The following NUMB variants were observed in gnomAD, a reference collection of about 807,000 sequenced individuals.
NUMB encodes NUMB endocytic adaptor protein.
Under a neutral mutation model 59.7 loss-of-function variants are expected in NUMB, and 29 were observed. That is an observed-to-expected ratio of 0.49 (90% CI 0.36 to 0.66). The LOEUF is 0.66. Among genes scored for constraint, NUMB ranks in the 30% least tolerant of loss-of-function variants. NUMB has a pLI of 0.00. For synonymous variants in NUMB, 288 were observed against 288.2 expected (o/e 1.00, Z 0.01); for missense variants, 723 against 822.0 (o/e 0.88, Z 1.47).
intron 2 of NUMB, among the ~76,000 whole-genome samples, chr14:73,385,495 C>CTT (rs1566773092): frequency 5.3e-4 from 36 of 67,524 alleles, no homozygotes; most frequent in African/African-American, 1.2e-3. Flanking sequence ...TGGCTAGTGG[C>CTT]CTTTTTTTTT....
rs147284867 is a variant in NUMB, at chr14:73,373,304, G to A, written c.-100-6323C>T. Among the ~76,000 whole-genome samples, 513 of 152,334 alleles carry A rather than the reference G, an allele frequency of 3.4e-3. 4 individuals carry two copies. The highest frequency in any genetic ancestry group is 0.012 in the African/African-American group (485 of 41,570). On this transcript the variant is annotated intron_variant, in intron 2 of 12. Transcript: ENST00000555238. ...AGCTTCAAACTGTGCTCCCTGTAGT[G>A]ATGCCACAAGGTGCAAGGGCAGGAC...
At chr14:73,408,160 G>C (rs1896757347) in intron 2 of NUMB, among the ~76,000 whole-genome samples, 1 of 151,724 alleles carries the variant, frequency 6.6e-6, no homozygotes, top group South Asian at 2.1e-4. Flanking sequence ...CTGGGAGGCA[G>C]AACTTGCAGT....
chr14:73,372,410 C>T (rs1397897182), intron 2 of NUMB, among the ~76,000 whole-genome samples: 1 of 140,716 alleles, frequency 7.1e-6, no homozygotes, highest in East Asian at 2.1e-4. Flanking sequence ...TACGCATACA[C>T]ACATATATGT....
At chr14:73,404,842 C>T (rs1896585667) in intron 2 of NUMB, among the ~76,000 whole-genome samples, 1 of 151,678 alleles carries the variant, frequency 6.6e-6, no homozygotes, top group Non-Finnish European at 1.5e-5. Context: ...CTCACTGCAA[C>T]CTCCGCCTCC....
intron 4 of NUMB, 173 bp from the exon 5 acceptor site, chr14:73,323,377 T>G (rs767610537): frequency 1.9e-6 from 1 of 517,894 alleles, no homozygotes; most frequent in Non-Finnish European, 3.4e-6. Context: ...CAACCTGTAT[T>G]GAAATTCCTA....
chr14:73,404,296 T>C (rs1395878401), intron 2 of NUMB, among the ~76,000 whole-genome samples: 2 of 149,970 alleles, frequency 1.3e-5, no homozygotes, highest in African/African-American at 4.9e-5. Context: ...ATAACATGCT[T>C]CAAAACAAAA....
At chr14:73,393,043 G>C (rs1015272751) in intron 2 of NUMB, among the ~76,000 whole-genome samples, 1 of 152,132 alleles carries the variant, frequency 6.6e-6, no homozygotes, top group African/African-American at 2.4e-5. Context: ...AGTGGTGAGG[G>C]GAGGAAATTA....
intron 2 of NUMB, among the ~76,000 whole-genome samples, chr14:73,398,413 A>T (rs111978176): frequency 0.026 from 3,036 of 117,546 alleles, 55 homozygotes; most frequent in East Asian, 0.074. Context: ...AGAGAGAGAG[A>T]GAGTGTGTGT....
intron 9 of NUMB, 39 bp downstream of exon 9, chr14:73,287,071 A>T (rs1291117569): frequency 6.3e-7 from 1 of 1,586,948 alleles, no homozygotes; most frequent in Non-Finnish European, 8.7e-7. Context: ...GTTGGGAAAA[A>T]CTGCATTCCA....
intron 1 of NUMB, among the ~76,000 whole-genome samples, chr14:73,449,982 C>T (rs1443564771): frequency 6.6e-6 from 1 of 152,206 alleles, no homozygotes; most frequent in Non-Finnish European, 1.5e-5. Context: ...GCCACCGCGC[C>T]CAGCCTTAAA....
intron 2 of NUMB, among the ~76,000 whole-genome samples, chr14:73,393,211 C>A (rs1186114145): frequency 6.6e-6 from 1 of 152,122 alleles, no homozygotes; most frequent in African/African-American, 2.4e-5. Context: ...TTTTCAGCAG[C>A]CCAATTTTAC....
intron 3 of NUMB, among the ~76,000 whole-genome samples, chr14:73,356,429 G>A (rs1893785480): frequency 6.6e-6 from 1 of 152,154 alleles, no homozygotes; most frequent in African/African-American, 2.4e-5. Context: ...GATCACTTGA[G>A]GTCAGGAGCT....
chr14:73,434,740 C>T (rs1450716717), intron 1 of NUMB, among the ~76,000 whole-genome samples: 1 of 151,874 alleles, frequency 6.6e-6, no homozygotes, highest in Non-Finnish European at 1.5e-5. Flanking sequence ...ATGAAAAAAC[C>T]ATAGCTCTCT....
At position 73,446,814 on chromosome 14, in the gene NUMB, G is replaced by A. The variant is rs191134699; in HGVS notation, c.-233+11679C>T. Among the ~76,000 whole-genome samples, 179 of 151,698 alleles carry A rather than the reference G, an allele frequency of 1.2e-3. 2 individuals carry two copies. Among genetic ancestry groups the A allele is most frequent in the Admixed American group, 0.011 (166 of 15,236 alleles). On this transcript the variant is annotated intron_variant, in intron 1 of 12. Coordinates refer to ENST00000555238, the MANE Select transcript of NUMB (RefSeq NM_001005743.2). ...TTAACTTTGGGAGGCTGAGGCAGAA[G>A]GATCACTTGAGCCCAGGAGTTGGAG...
chr14:73,435,873 A>G (rs1355291307), intron 1 of NUMB, among the ~76,000 whole-genome samples: 1 of 151,842 alleles, frequency 6.6e-6, no homozygotes, highest in African/African-American at 2.4e-5. Flanking sequence ...AGGGCATGGT[A>G]GTGCACGCCT....
chr14:73,406,666 C>T (rs185866292), intron 2 of NUMB, among the ~76,000 whole-genome samples: 6 of 152,238 alleles, frequency 3.9e-5, no homozygotes, highest in South Asian at 2.1e-4. Context: ...TGAGGAATTG[C>T]CACACTGTCT....
At chr14:73,349,874 G>A (rs558941795) in intron 4 of NUMB, among the ~76,000 whole-genome samples, 23 of 150,252 alleles carry the variant, frequency 1.5e-4, no homozygotes, top group South Asian at 2.1e-4. Flanking sequence ...GCAAGACTCC[G>A]TCTCAAGAAA....
chr14:73,306,608 C>A (rs1027633828), intron 6 of NUMB, among the ~76,000 whole-genome samples: 1 of 152,196 alleles, frequency 6.6e-6, no homozygotes, highest in Non-Finnish European at 1.5e-5. Flanking sequence ...TGTCTGAAAT[C>A]TCTTTCTCTT....
chr14:73,384,280 G>A (rs1264833629), intron 2 of NUMB, among the ~76,000 whole-genome samples: 2 of 151,496 alleles, frequency 1.3e-5, no homozygotes, highest in African/African-American at 2.4e-5. Flanking sequence ...TAGTAGAGAC[G>A]GGGTTTCACT....
Sources: gnomAD v4.1 joint callset for allele counts (sites outside exome capture counted in the v4.1 genomes callset) on GRCh38, gnomAD v4.1.1 for gene constraint, MANE v1.5 for transcripts, NCBI Gene and HGNC (gene_info 2026-07-23, HGNC 2026-07-21) for gene names.